Variants in CCSER1 observed in about 807,000 individuals in gnomAD.
CCSER1 encodes coiled-coil serine rich protein 1.
A neutral mutation model predicts 82.0 loss-of-function variants in CCSER1; 41 were observed. The observed-to-expected ratio is 0.50, with a 90% confidence interval of 0.39 to 0.65. The LOEUF (loss-of-function observed/expected upper bound fraction) is 0.65, where lower values mean the gene tolerates loss of function less well. CCSER1 is among the 30% of genes least tolerant of loss of function. CCSER1 has a pLI of 0.00. For synonymous variants in CCSER1, 414 were observed against 383.9 expected (o/e 1.08, Z -0.92); for missense variants, 1,119 against 1,064.2 (o/e 1.05, Z -0.72).
rs369182176 is a variant in CCSER1, at chr4:91,316,668, C to G, written c.2217+230674C>G. 4.3e-4 allele frequency among the ~76,000 whole-genome samples: 66 copies of G among 152,052 alleles called. 1 individual carries two copies. In the East Asian group the frequency reaches 6.8e-3, roughly 16 times the overall value. ...TCTATTGCTACTTGCTGGGAAAAAG[C>G]CACCACCATCTCTTCAATTAGTAAA... On this transcript the variant is annotated intron_variant, in intron 10 of 10. Coordinates refer to ENST00000509176, the MANE Select transcript of CCSER1 (RefSeq NM_001145065.2).
At chr4:90,137,033 C>T (rs1723819939) in intron 1 of CCSER1, among the ~76,000 whole-genome samples, 1 of 152,100 alleles carries the variant, frequency 6.6e-6, no homozygotes, top group African/African-American at 2.4e-5. Context: ...GGAATGTTAC[C>T]TAGTGCACAG....
chr4:90,936,965 AAG>A (rs1297142861), intron 9 of CCSER1, among the ~76,000 whole-genome samples: 3 of 152,156 alleles, frequency 2.0e-5, no homozygotes, highest in African/African-American at 7.2e-5. Context: ...AAGAAAAAAA[AAG>A]AGTAAGAGAT....
intron 10 of CCSER1, among the ~76,000 whole-genome samples, chr4:91,359,438 A>G (rs966015869): frequency 7.2e-5 from 11 of 151,800 alleles, no homozygotes; most frequent in African/African-American, 1.2e-4. Flanking sequence ...TCTTACCTCA[A>G]TCTCATGTGG....
intron 10 of CCSER1, among the ~76,000 whole-genome samples, chr4:91,295,230 A>T (rs1299843140): frequency 2.6e-5 from 4 of 151,972 alleles, no homozygotes; most frequent in Non-Finnish European, 4.4e-5. Flanking sequence ...TATTGTTTAT[A>T]ATTTTGAAAA....
chr4:90,237,297 C>G (rs1171051045), intron 1 of CCSER1, among the ~76,000 whole-genome samples: 2 of 152,098 alleles, frequency 1.3e-5, no homozygotes. Context: ...TTTATGAGTA[C>G]TTAATATCCC....
At chr4:90,764,686 A>G (rs1161365663) in intron 7 of CCSER1, among the ~76,000 whole-genome samples, 1 of 152,166 alleles carries the variant, frequency 6.6e-6, no homozygotes, top group Non-Finnish European at 1.5e-5. Flanking sequence ...AGGCAATTAT[A>G]AGATATAGGA....
At chr4:91,540,803 A>G (rs1761551153) in intron 10 of CCSER1, among the ~76,000 whole-genome samples, 1 of 152,046 alleles carries the variant, frequency 6.6e-6, no homozygotes, top group East Asian at 1.9e-4. Context: ...TGAAAAGTCT[A>G]TTTTTGGTTC....
chr4:91,459,475 G>A (rs533181232), intron 10 of CCSER1, among the ~76,000 whole-genome samples: 27 of 152,238 alleles, frequency 1.8e-4, no homozygotes, highest in African/African-American at 5.5e-4. Flanking sequence ...TTTCAGGTAT[G>A]TGAAGACTGC....
chr4:90,413,376 T>TAA (rs1755199382), intron 4 of CCSER1, among the ~76,000 whole-genome samples: 1 of 152,138 alleles, frequency 6.6e-6, no homozygotes, highest in Non-Finnish European at 1.5e-5. Context: ...CATACTGCTA[T>TAA]AAGCAATCTA....
intron 10 of CCSER1, among the ~76,000 whole-genome samples, chr4:91,511,524 G>C (rs1759823614): frequency 6.6e-6 from 1 of 152,100 alleles, no homozygotes; most frequent in East Asian, 1.9e-4. Flanking sequence ...CCATGGACTG[G>C]TACCACACAG....
chr4:90,148,265 CAAAT>C (rs777839486), intron 1 of CCSER1, among the ~76,000 whole-genome samples: 1 of 152,206 alleles, frequency 6.6e-6, no homozygotes, highest in Admixed American at 6.5e-5. Flanking sequence ...ATTTTTCACT[CAAAT>C]AAACACATGT....
At chr4:90,233,241 A>T (rs1471547482) in intron 1 of CCSER1, among the ~76,000 whole-genome samples, 3 of 152,126 alleles carry the variant, frequency 2.0e-5, no homozygotes, top group Non-Finnish European at 4.4e-5. Context: ...CAACAATGAT[A>T]GACTGGATTA....
chr4:91,118,680 A>G (rs545638688), intron 10 of CCSER1, among the ~76,000 whole-genome samples: 1 of 152,286 alleles, frequency 6.6e-6, no homozygotes, highest in Admixed American at 6.5e-5. Context: ...ATACATCCCA[A>G]AAGAATGCCT....
intron 4 of CCSER1, among the ~76,000 whole-genome samples, chr4:90,454,521 G>A (rs1016035740): frequency 6.6e-6 from 1 of 152,054 alleles, no homozygotes; most frequent in Non-Finnish European, 1.5e-5. Context: ...GTAATTAAGA[G>A]GCTTAGTTCT....
intron 10 of CCSER1, among the ~76,000 whole-genome samples, chr4:91,310,816 A>T (rs1451389250): frequency 6.6e-6 from 1 of 151,906 alleles, no homozygotes; most frequent in Non-Finnish European, 1.5e-5. Context: ...ATACAAATTC[A>T]TAAACTTTCT....
rs565524371 is a variant in CCSER1, at chr4:90,752,459, C to T, written c.2010+28468C>T. Among the ~76,000 whole-genome samples, 40 of 152,078 alleles carry T rather than the reference C, an allele frequency of 2.6e-4. No individual in the cohort carries two copies. The South Asian group carries it at 5.4e-3, about 21-fold the overall frequency. The stretch of plus-strand genomic sequence containing the variant: ...CTTCCAAGGGCTTAGGTAATTTGGG[C>T]CTGAGTCATGTAATAACCTACATTT... On this transcript the variant is annotated intron_variant, in intron 7 of 10. Transcript: ENST00000509176.
chr4:91,347,787 T>C (rs1463146885), intron 10 of CCSER1, among the ~76,000 whole-genome samples: 1 of 151,970 alleles, frequency 6.6e-6, no homozygotes, highest in African/African-American at 2.4e-5. Flanking sequence ...TGGCTAGTAT[T>C]AAGAAAAAAA....
chr4:91,258,076 T>C (rs1238865368), intron 10 of CCSER1, among the ~76,000 whole-genome samples: 1 of 152,100 alleles, frequency 6.6e-6, no homozygotes, highest in Non-Finnish European at 1.5e-5. Flanking sequence ...ATATTTTAAA[T>C]ATATACATGT....
chr4:90,297,585 A>T (rs1353236206), intron 1 of CCSER1, among the ~76,000 whole-genome samples: 4 of 148,394 alleles, frequency 2.7e-5, no homozygotes, highest in Non-Finnish European at 5.9e-5. Flanking sequence ...TTTCAAAGGG[A>T]ATGCTTCCAG....
Sources: allele counts gnomAD v4.1 joint callset (sites outside exome capture counted in the v4.1 genomes callset), GRCh38; gene constraint gnomAD v4.1.1; transcripts MANE v1.5; gene names NCBI Gene and HGNC (gene_info 2026-07-23, HGNC 2026-07-21).